PLB1: variants seen among roughly 807,000 people sequenced by gnomAD.
PLB1 encodes phospholipase B1.
PLB1 carries 242 observed loss-of-function variants against 227.4 expected under a neutral mutation model. That is an observed-to-expected ratio of 1.06 (90% CI 0.96 to 1.18). The LOEUF is 1.18. Among genes scored for constraint, PLB1 ranks in the 50% most tolerant of loss-of-function variants. The pLI is 0.00. For synonymous variants in PLB1, 757 were observed against 682.2 expected (o/e 1.11, Z -1.71); for missense variants, 1,858 against 1,816.3 (o/e 1.02, Z -0.42).
chr2:28,541,812 G>A lies in PLB1; in HGVS notation c.879+1G>A. The A allele has an allele frequency of 6.2e-7, 1 of 1,605,938 alleles. No homozygotes were observed. Among genetic ancestry groups the A allele is most frequent in the East Asian group, 2.2e-5 (1 of 44,832 alleles). On this transcript the variant is annotated splice_donor_variant, in intron 13 of 57. Coordinates refer to ENST00000327757, the MANE Select transcript of PLB1 (RefSeq NM_153021.5). LOFTEE classifies it high-confidence loss of function. ...TGAGACCACCCCATCTCTACACTCG[G>A]TAAGTGGGGGCTGCATGGCGTATCA...
intron 17 of PLB1, 27 bp from the exon 18 acceptor site, chr2:28,563,014 T>C (rs1466680226): frequency 5.0e-6 from 8 of 1,603,388 alleles, no homozygotes; most frequent in African/African-American, 4.0e-5. Flanking sequence ...AGCCCCATTT[T>C]CCACTCACTC....
At chr2:28,582,200 T>A (rs1680145187) in intron 24 of PLB1, 67 bp downstream of exon 24, 1 of 1,533,118 alleles carries the variant, frequency 6.5e-7, no homozygotes, top group Non-Finnish European at 9.0e-7. Flanking sequence ...AGCTCTGGCA[T>A]CCTGCTGAGA....
chr2:28,618,565 T>A, intron 46 of PLB1, 166 bp downstream of exon 46: 1 of 677,158 alleles, frequency 1.5e-6, no homozygotes, highest in Non-Finnish European at 2.5e-6. Context: ...TAGAATGCCC[T>A]GTCTCGCCAC....
intron 46 of PLB1, among the ~76,000 whole-genome samples, chr2:28,619,113 G>T (rs1686619473): frequency 6.6e-6 from 1 of 152,156 alleles, no homozygotes; most frequent in Non-Finnish European, 1.5e-5. Context: ...TTGTGGCATG[G>T]GGTTTGTTGC....
At chr2:28,579,835 C>A in intron 23 of PLB1, 128 bp downstream of exon 23, 1 of 764,994 alleles carries the variant, frequency 1.3e-6, no homozygotes, top group Non-Finnish European at 2.3e-6. Context: ...TTGGATCCAG[C>A]CTGGGATGAA....
At chr2:28,551,211 T>C (rs757876877) in intron 16 of PLB1, among the ~76,000 whole-genome samples, 1 of 152,290 alleles carries the variant, frequency 6.6e-6, no homozygotes, top group East Asian at 1.9e-4. Flanking sequence ...TGAACCCAGA[T>C]TGTGTGGAGC....
At chr2:28,604,918 C>T (rs988150767) in intron 41 of PLB1, among the ~76,000 whole-genome samples, 159 bp downstream of exon 41, 8 of 152,216 alleles carry the variant, frequency 5.3e-5, no homozygotes, top group Non-Finnish European at 8.8e-5. Flanking sequence ...GAGCCACATC[C>T]GTATGTGCGA....
intron 55 of PLB1, 142 bp from the exon 56 acceptor site, chr2:28,632,802 T>C (rs904181386): frequency 3.6e-5 from 23 of 635,700 alleles, no homozygotes; most frequent in South Asian, 5.8e-5. Context: ...TCTGGGAGTT[T>C]TTCCATCAGT....
At position 28,585,757 on chromosome 2, in the gene PLB1, A is replaced by G. The variant is rs946327965; in HGVS notation, c.1734-4A>G. ...TGAGGGTTTCTCTTTGGTTTGGTCT[A>G]CAGGTCTCTGTGTCCCTGTGTCCTG... On this transcript the variant is annotated splice_region_variant and splice_polypyrimidine_tract_variant and intron_variant, in intron 25 of 57. Transcript: ENST00000327757. 10 of 1,600,544 alleles carry G rather than the reference A, an allele frequency of 6.2e-6. No individual in the cohort carries two copies. The highest frequency in any genetic ancestry group is 1.6e-4 in the Middle Eastern group (1 of 6,062).
intron 2 of PLB1, among the ~76,000 whole-genome samples, chr2:28,517,244 G>A (rs144426814): frequency 2.0e-4 from 30 of 151,916 alleles, no homozygotes; most frequent in East Asian, 1.6e-3. Flanking sequence ...GTTTCTTACC[G>A]TAATCAGTAC....
At chr2:28,506,573 T>C (rs1667660570) in intron 1 of PLB1, among the ~76,000 whole-genome samples, 1 of 152,190 alleles carries the variant, frequency 6.6e-6, no homozygotes, top group South Asian at 2.1e-4. Context: ...AATCCAAATC[T>C]TTTATTTTAC....
chr2:28,617,356 G>A (rs1686334175), intron 44 of PLB1, among the ~76,000 whole-genome samples: 2 of 152,104 alleles, frequency 1.3e-5, no homozygotes, highest in Non-Finnish European at 2.9e-5. Flanking sequence ...TCTCATGTTA[G>A]GCATCCAAAT....
At chr2:28,531,253 A>G (rs1472475651) in intron 8 of PLB1, among the ~76,000 whole-genome samples, 1 of 152,230 alleles carries the variant, frequency 6.6e-6, no homozygotes, top group Non-Finnish European at 1.5e-5. Context: ...ATATCTTTAT[A>G]TATTTTATAA....
At chr2:28,577,725 C>T (rs1359118697) in intron 21 of PLB1, among the ~76,000 whole-genome samples, 2 of 152,214 alleles carry the variant, frequency 1.3e-5, no homozygotes, top group African/African-American at 4.8e-5. Context: ...GCTATAATCT[C>T]AGCTACTTGG....
At chr2:28,563,214 CT>C (rs1336490683) in intron 18 of PLB1, 115 bp downstream of exon 18, 6 of 1,030,736 alleles carry the variant, frequency 5.8e-6, no homozygotes, top group Non-Finnish European at 8.9e-6. Context: ...ATGCTACCAT[CT>C]CGGGTCCTGA....
intron 14 of PLB1, among the ~76,000 whole-genome samples, chr2:28,543,554 G>A (rs1343360315): frequency 6.6e-6 from 1 of 152,246 alleles, no homozygotes; most frequent in Non-Finnish European, 1.5e-5. Flanking sequence ...GAGTCTGTGT[G>A]GAAGACCTGC....
In PLB1 at chr2:28,629,031, G is replaced by A. The variant is rs927081156; in HGVS notation, c.3727-63G>A. 3.6e-6 allele frequency: 5 copies of A among 1,380,534 alleles called. No homozygotes were observed. The African/African-American group carries it at 5.8e-5, about 16-fold the overall frequency. 85.5% of individuals were successfully genotyped at this position (1,380,534 alleles called of 1,614,324 possible). On this transcript the variant is annotated intron_variant, in intron 52 of 57. Transcript: ENST00000327757. ...GGGGAGTGGGAATTGGATTGTAGATGACCCCCAGGTTCCTCCCAGCAGTAG... is the reference window on the plus strand; with the variant it reads ...GGGGAGTGGGAATTGGATTGTAGATAACCCCCAGGTTCCTCCCAGCAGTAG...
At chr2:28,545,537 C>T (rs190105494) in intron 14 of PLB1, among the ~76,000 whole-genome samples, 3 of 152,276 alleles carry the variant, frequency 2.0e-5, no homozygotes, top group East Asian at 1.9e-4. Flanking sequence ...GTCCCACTTT[C>T]GGTGGTTTCT....
chr2:28,604,721 C>T lies in PLB1; in HGVS notation c.2923C>T (p.Gln975Ter). ...DTQEDFSVVL[Q>*]PFFQNIQLPV... ...GCAGGAGGACTTCTCTGTGGTGCTG[C>T]AGCCCTTCTTCCAGAACATCCAGCT... Residue 975 changes from glutamine (Q) to a stop codon, truncating the protein, a stop_gained, in exon 41 of 58, where the codon CAG (glutamine) becomes TAG (stop). Transcript: ENST00000327757. LOFTEE classifies it high-confidence loss of function. 2 of 1,614,154 alleles carry T rather than the reference C, an allele frequency of 1.2e-6. No homozygotes were observed. Among genetic ancestry groups the T allele is most frequent in the East Asian group, 4.5e-5 (2 of 44,872 alleles).
Sources: allele counts gnomAD v4.1 joint callset (sites outside exome capture counted in the v4.1 genomes callset), GRCh38; gene constraint gnomAD v4.1.1; transcripts MANE v1.5; gene names NCBI Gene and HGNC (gene_info 2026-07-23, HGNC 2026-07-21).